Variants in RAPGEF1 observed in about 807,000 individuals in gnomAD.
The protein encoded by RAPGEF1 is CRK SH3-binding GNRP.
A neutral mutation model predicts 143.3 loss-of-function variants in RAPGEF1; 33 were observed. The ratio of observed to expected loss-of-function variants is 0.23; its 90% CI spans 0.17 to 0.31. The LOEUF (loss-of-function observed/expected upper bound fraction) is 0.31, where lower values mean the gene tolerates loss of function less well. Ranked by LOEUF, RAPGEF1 falls within the 10% of genes least tolerant of loss-of-function variation. The probability of loss-of-function intolerance (pLI) is 1.00; values close to 1 mark genes in which losing one functional copy is unlikely to be tolerated. For synonymous variants in RAPGEF1, 629 were observed against 676.5 expected (o/e 0.93, Z 1.09); for missense variants, 1,199 against 1,645.4 (o/e 0.73, Z 4.69).
intron 22 of RAPGEF1, among the ~76,000 whole-genome samples, chr9:131,585,691 C>T (rs761081015): frequency 2.0e-5 from 3 of 151,170 alleles, no homozygotes; most frequent in Non-Finnish European, 4.4e-5. Context: ...GATAGGCAAA[C>T]GGGAGATGAT....
rs573450873 is a variant in RAPGEF1 at position 131,584,686 on chromosome 9, C to T, written c.3234-90G>A. 34 of 1,333,562 alleles carry T rather than the reference C, an allele frequency of 2.5e-5. No individual in the cohort carries two copies. In the African/African-American group the frequency reaches 4.9e-4, roughly 19 times the overall value. The allele number at this position is 1,333,562 out of a possible 1,614,324, so 82.6% of individuals were successfully genotyped here. On this transcript the variant is annotated intron_variant, in intron 22 of 26. Coordinates refer to ENST00000683357, the MANE Select transcript of RAPGEF1 (RefSeq NM_001377935.1). This position sits in a 1 kb window ranked among gnomAD's most constrained non-coding sequence, Gnocchi z 6.8. Reference sequence around the variant, plus strand: ...GGTGGAGACAGGACCTGTACGACCCCCATGCCAGTGGCCACGAGCCCACCC... The same window carrying T: ...GGTGGAGACAGGACCTGTACGACCCTCATGCCAGTGGCCACGAGCCCACCC...
At chr9:131,591,569 C>G (rs908508036) in intron 18 of RAPGEF1, among the ~76,000 whole-genome samples, 13 of 152,202 alleles carry the variant, frequency 8.5e-5, no homozygotes, top group Non-Finnish European at 1.8e-4. Flanking sequence ...TGGGGTAGAT[C>G]TGGGGACAGG....
intron 1 of RAPGEF1, among the ~76,000 whole-genome samples, chr9:131,663,470 T>A (rs891130337): frequency 2.3e-4 from 35 of 151,522 alleles, no homozygotes; most frequent in Middle Eastern, 3.4e-3. Context: ...TTTTTTTTTT[T>A]AAATCCAAGA....
At chr9:131,660,372 T>C (rs1973701540) in intron 1 of RAPGEF1, among the ~76,000 whole-genome samples, 1 of 152,172 alleles carries the variant, frequency 6.6e-6, no homozygotes, top group Non-Finnish European at 1.5e-5. Context: ...ATCCAAGCAC[T>C]GTAAAAATAT....
rs185029905 is a variant in RAPGEF1 at position 131,668,774 on chromosome 9, G to A, written c.62-17825C>T. 1.5e-3 allele frequency among the ~76,000 whole-genome samples: 223 copies of A among 152,070 alleles called. 1 individual carries two copies. Among genetic ancestry groups the A allele is most frequent in the Middle Eastern group, 3.4e-3 (1 of 294 alleles). On this transcript the variant is annotated intron_variant, in intron 1 of 26. Coordinates refer to ENST00000683357, the MANE Select transcript of RAPGEF1 (RefSeq NM_001377935.1). ...TCAGCTTTATTTTCAGAGGCAAAATGAAAAAAAGAGTGATGGTAAAATAAC... is the reference window on the plus strand; with the variant it reads ...TCAGCTTTATTTTCAGAGGCAAAATAAAAAAAAGAGTGATGGTAAAATAAC...
At chr9:131,686,850 C>T (rs919374913) in intron 1 of RAPGEF1, among the ~76,000 whole-genome samples, 5 of 152,172 alleles carry the variant, frequency 3.3e-5, no homozygotes, top group Non-Finnish European at 7.3e-5. Context: ...TTTTTCTCAG[C>T]CCCAAATGTT....
Position 131,740,070 on chromosome 9 carries a change from C to T in RAPGEF1, c.-240G>A, listed in dbSNP as rs867945597. 2 of 145,854 alleles carry T rather than the reference C, an allele frequency of 1.4e-5. No homozygotes were observed. Among genetic ancestry groups the T allele is most frequent in the East Asian group, 2.0e-4 (1 of 5,008 alleles). 9.0% of individuals were successfully genotyped at this position (145,854 alleles called of 1,614,324 possible). ...CCCGGCCCGCGAGCCGGCCGCAGCG[C>T]AGCGACGCCGCCCGCCCGCCCGCCG... On this transcript the variant is annotated 5_prime_UTR_variant, in exon 1 of 27. Coordinates refer to ENST00000683357, the MANE Select transcript of RAPGEF1 (RefSeq NM_001377935.1). This position sits in a 1 kb window ranked among gnomAD's most constrained non-coding sequence, Gnocchi z 4.5.
intron 1 of RAPGEF1, among the ~76,000 whole-genome samples, chr9:131,687,234 C>G (rs1290349039): frequency 1.3e-5 from 2 of 152,104 alleles, no homozygotes; most frequent in African/African-American, 4.8e-5. Context: ...CCTGTCCTCC[C>G]CGCTTGAATG....
rs200988243 is a variant in RAPGEF1 at position 131,678,845 on chromosome 9, CA to C, written c.62-27897del. Among the ~76,000 whole-genome samples, 61 of 152,310 alleles carry C rather than the reference CA, an allele frequency of 4.0e-4. No individual in the cohort carries two copies. In the East Asian group the frequency reaches 0.011, roughly 27 times the overall value. On this transcript the variant is annotated intron_variant, in intron 1 of 26. Transcript: ENST00000683357. The stretch of plus-strand genomic sequence containing the variant: ...CAGGCAGCCCTCTTCCTCCTCAGAG[CA>C]CCTTTCTTCAGAGAACCAACAATCA...
At position 131,674,621 on chromosome 9, in the gene RAPGEF1, G is replaced by A. The variant is rs1385969650; in HGVS notation, c.62-23672C>T. On this transcript the variant is annotated intron_variant, in intron 1 of 26. Transcript: ENST00000683357. ...CTGGAGCTCTGGCTGCTTGGGCGGT[G>A]GGCGCGTGGAGGTGGGAACCGCTGG... 2.6e-5 allele frequency among the ~76,000 whole-genome samples: 4 copies of A among 152,318 alleles called. No individual in the cohort carries two copies. In the East Asian group the frequency reaches 7.7e-4, roughly 29 times the overall value.
At chr9:131,580,162 T>G in intron 26 of RAPGEF1, 101 bp downstream of exon 26, 20 of 1,457,718 alleles carry the variant, frequency 1.4e-5, no homozygotes, top group East Asian at 4.8e-5. Context: ...GGTCCCTGGG[T>G]CCTCTGTGGC....
intron 6 of RAPGEF1, 110 bp from the exon 7 acceptor site, chr9:131,629,364 G>T: frequency 8.9e-7 from 1 of 1,128,220 alleles, no homozygotes; most frequent in Non-Finnish European, 1.3e-6. Context: ...TGGGTGAGGT[G>T]GGGCTGAAGA....
In RAPGEF1 at chr9:131,619,139, G is replaced by A. The variant is rs996050389; in HGVS notation, c.1973C>T (p.Thr658Ile). The A allele has an allele frequency of 7.5e-7, 1 of 1,326,274 alleles. No individual in the cohort carries two copies. The highest frequency in any genetic ancestry group is 1.0e-6 in the Non-Finnish European group (1 of 1,002,028). 82.2% of individuals were successfully genotyped at this position (1,326,274 alleles called of 1,614,324 possible). Residue 658 changes from threonine to isoleucine, a missense_variant, in exon 12 of 27, where the codon ACC becomes ATC. Thr to Ile is a moderately conservative substitution (Grantham distance 89). Transcript: ENST00000683357. Reference protein sequence around the residue: ...HCVQQTKVAFTPEDGSAAQGL... With the variant: ...HCVQQTKVAFIPEDGSAAQGL... The stretch of plus-strand genomic sequence containing the variant: ...CTGAGCGGCACTGCCGTCCTCGGGG[G>A]TGAAGGCCACTTTAGTTTGCTGGAC...
intron 1 of RAPGEF1, among the ~76,000 whole-genome samples, chr9:131,687,249 G>C (rs934282914): frequency 2.6e-5 from 4 of 152,016 alleles, no homozygotes; most frequent in Non-Finnish European, 4.4e-5. Flanking sequence ...TGAATGCAGC[G>C]GCACGATCTC....
At chr9:131,714,329 A>AC (rs1835709148) in intron 1 of RAPGEF1, among the ~76,000 whole-genome samples, 1 of 142,908 alleles carries the variant, frequency 7.0e-6, no homozygotes, top group Non-Finnish European at 1.5e-5. Flanking sequence ...CTTGAAGGAG[A>AC]TTTTTTTTTT....
intron 5 of RAPGEF1, among the ~76,000 whole-genome samples, chr9:131,634,398 A>G (rs111361157): frequency 7.6e-4 from 115 of 152,238 alleles, no homozygotes; most frequent in African/African-American, 2.5e-3. Context: ...CTTTATTTCC[A>G]TGTTCATTTT....
intron 1 of RAPGEF1, among the ~76,000 whole-genome samples, chr9:131,652,998 A>C (rs543159891): frequency 4.6e-5 from 7 of 152,178 alleles, no homozygotes; most frequent in Non-Finnish European, 1.0e-4. Context: ...ATCTTATGGG[A>C]CCATAAGATT....
In RAPGEF1 at chr9:131,628,550, T is replaced by C. The variant is rs979172358; in HGVS notation, c.1016A>G (p.Gln339Arg). 2 of 1,612,350 alleles carry C rather than the reference T, an allele frequency of 1.2e-6. No individual in the cohort carries two copies. Among genetic ancestry groups the C allele is most frequent in the African/African-American group, 2.7e-5 (2 of 74,920 alleles). Residue 339 changes from glutamine (Q) to arginine (R), a missense_variant and splice_region_variant, in exon 8 of 27, where the codon CAG becomes CGG. Around this residue, in one of 6 missense-constraint regions of RAPGEF1, gnomAD observed 613 missense variants for 710.9 expected, o/e 0.86. Coordinates refer to ENST00000683357, the MANE Select transcript of RAPGEF1 (RefSeq NM_001377935.1). This position sits in a 1 kb window ranked among gnomAD's most constrained non-coding sequence, Gnocchi z 5.7. ...TGCAGGGAACAGGGGCTGCATTACC[T>C]GCCTATTGATTCCAACAGGCAAACT... is the stretch of plus-strand genomic sequence containing the variant. ...GSSLPVGINR[Q>R]DFDVDCYAQR...
At chr9:131,701,270 T>C (rs1483174950) in intron 1 of RAPGEF1, among the ~76,000 whole-genome samples, 1 of 152,194 alleles carries the variant, frequency 6.6e-6, no homozygotes, top group East Asian at 1.9e-4. Flanking sequence ...CGGATAGATA[T>C]TGTTCTAAAT....
Sources: gnomAD v4.1 joint callset for allele counts (sites outside exome capture counted in the v4.1 genomes callset) on GRCh38, gnomAD v4.1.1 for gene constraint, gnomAD v4.1.1 regional missense constraint, Gnocchi (gnomAD v3.1) non-coding constraint, MANE v1.5 for transcripts, NCBI Gene and HGNC (gene_info 2026-07-23, HGNC 2026-07-21) for gene names.